MPPED2: variants seen among roughly 807,000 people sequenced by gnomAD.
The protein encoded by MPPED2 is metallophosphoesterase MPPED2.
Under a neutral mutation model 33.0 loss-of-function variants are expected in MPPED2, and 5 were observed. That is an observed-to-expected ratio of 0.15 (90% CI 0.08 to 0.32). MPPED2 has a LOEUF of 0.32. MPPED2 is among the 10% of genes least tolerant of loss of function. The pLI, the probability that MPPED2 is intolerant of heterozygous loss-of-function variation, is 1.00. For missense variants in MPPED2, 275 were observed against 372.1 expected, an observed-to-expected ratio of 0.74 and a Z score of 2.15; for synonymous variants, 136 against 141.9, an observed-to-expected ratio of 0.96 and a Z score of 0.29.
chr11:30,402,825 G>A (rs2133711135), intron 6 of MPPED2, among the ~76,000 whole-genome samples: 1 of 152,280 alleles, frequency 6.6e-6, no homozygotes, highest in African/African-American at 2.4e-5. Flanking sequence ...GAAGTACAAT[G>A]CCAACTTACC....
intron 2 of MPPED2, among the ~76,000 whole-genome samples, chr11:30,544,340 A>G (rs1055149220): frequency 1.3e-5 from 2 of 152,166 alleles, no homozygotes; most frequent in Non-Finnish European, 2.9e-5. Context: ...TTTGAGAAAA[A>G]AAGCCATGTA....
At chr11:30,475,924 A>G (rs1299466302) in intron 4 of MPPED2, among the ~76,000 whole-genome samples, 5 of 151,990 alleles carry the variant, frequency 3.3e-5, no homozygotes, top group Non-Finnish European at 7.4e-5. Context: ...TAGCTTTTTA[A>G]ATTTTAGCCA....
intron 3 of MPPED2, among the ~76,000 whole-genome samples, chr11:30,526,241 C>T (rs1406018221): frequency 6.6e-6 from 1 of 151,996 alleles, no homozygotes; most frequent in Non-Finnish European, 1.5e-5. Context: ...GTTACAGCTA[C>T]CTGATAGAAC....
rs138086273 is a variant in MPPED2, at chr11:30,512,118, G to GT, written c.311-16598dup. On this transcript the variant is annotated intron_variant, in intron 3 of 6. Coordinates refer to ENST00000358117, the MANE Select transcript of MPPED2 (RefSeq NM_001584.3). The stretch of plus-strand genomic sequence containing the variant: ...TCACTGAGGAGACACCAAATAGGCA[G>GT]TAGTAACGGTGTCCTATGAGAACTC... Among the ~76,000 whole-genome samples the GT allele has an allele frequency of 2.8e-3, 425 of 152,310 alleles. 2 individuals carry two copies. Among genetic ancestry groups the GT allele is most frequent in the African/African-American group, 0.01 (416 of 41,562 alleles).
chr11:30,494,737 C>CAAAAAAAAAAAAAAAAAAAAAAAAA (rs767500886), intron 4 of MPPED2, among the ~76,000 whole-genome samples: 1 of 47,594 alleles, frequency 2.1e-5, no homozygotes, highest in Non-Finnish European at 4.0e-5. Flanking sequence ...TACTCCACCT[C>CAAAAAAAAAAAAAAAAAAAAAAAAA]AAAAAAAAAA....
rs569280198 is a variant in MPPED2 at position 30,391,964 on chromosome 11, C to G, written c.767-3008G>C. 4.6e-5 allele frequency among the ~76,000 whole-genome samples: 7 copies of G among 152,296 alleles called. No individual in the cohort carries two copies. In the East Asian group the frequency reaches 1.2e-3, roughly 25 times the overall value. ...GTGTAATCCAGAGCAAATTACCTCT[C>G]TAAGCCTCAGTTTCCTCATCTGCAA... On this transcript the variant is annotated intron_variant, in intron 6 of 6. Transcript: ENST00000448418.
rs17310348 is a variant in MPPED2, at chr11:30,511,080, G to A, written c.311-15559C>T. Reference sequence around the variant, plus strand: ...AAAGTCAGGTCTCAACCTAATTTTCGAATCCTGTAGCATTGGATAAAAGAA... The same window carrying A: ...AAAGTCAGGTCTCAACCTAATTTTCAAATCCTGTAGCATTGGATAAAAGAA... On this transcript the variant is annotated intron_variant, in intron 3 of 6. Transcript: ENST00000358117. 5.6e-3 allele frequency among the ~76,000 whole-genome samples: 854 copies of A among 152,148 alleles called. 4 individuals carry two copies. The highest frequency in any genetic ancestry group is 9.4e-3 in the Non-Finnish European group (642 of 67,998).
chr11:30,398,266 T>C (rs938164718), intron 6 of MPPED2, among the ~76,000 whole-genome samples: 7 of 152,272 alleles, frequency 4.6e-5, no homozygotes, highest in African/African-American at 1.7e-4. Context: ...ATAAGAATAA[T>C]GAATAATGAA....
At chr11:30,450,489 C>T (rs1950009645) in intron 4 of MPPED2, among the ~76,000 whole-genome samples, 1 of 152,196 alleles carries the variant, frequency 6.6e-6, no homozygotes, top group Non-Finnish European at 1.5e-5. Context: ...AGATGAAGAT[C>T]TCAACTTGGA....
At chr11:30,463,736 A>T (rs1950596383) in intron 4 of MPPED2, among the ~76,000 whole-genome samples, 1 of 152,210 alleles carries the variant, frequency 6.6e-6, no homozygotes, top group African/African-American at 2.4e-5. Context: ...GTTTTAAAAT[A>T]TGGAGACAAT....
At chr11:30,457,892 G>C (rs781708874) in intron 4 of MPPED2, among the ~76,000 whole-genome samples, 25 of 152,184 alleles carry the variant, frequency 1.6e-4, no homozygotes, top group South Asian at 1.2e-3. Flanking sequence ...TGACACATAT[G>C]AATCAATCCT....
chr11:30,523,656 T>C (rs1954000484), intron 3 of MPPED2, among the ~76,000 whole-genome samples: 1 of 145,654 alleles, frequency 6.9e-6, no homozygotes, highest in South Asian at 2.2e-4. Context: ...AGACGGAGTT[T>C]CGCTCTTGTT....
At chr11:30,438,783 G>A (rs1001070270) in intron 4 of MPPED2, among the ~76,000 whole-genome samples, 1 of 152,208 alleles carries the variant, frequency 6.6e-6, no homozygotes, top group African/African-American at 2.4e-5. Context: ...CTAGAGAAGA[G>A]TAGGATGCCC....
At chr11:30,525,974 T>A (rs185804572) in intron 3 of MPPED2, among the ~76,000 whole-genome samples, 3 of 152,338 alleles carry the variant, frequency 2.0e-5, no homozygotes, top group Non-Finnish European at 1.5e-5. Flanking sequence ...TATTTGAGCA[T>A]ATTCAACTAT....
chr11:30,564,583 A>C (rs1003872517), intron 2 of MPPED2, among the ~76,000 whole-genome samples: 4 of 152,168 alleles, frequency 2.6e-5, no homozygotes, highest in African/African-American at 9.7e-5. Context: ...CCAAGATTCA[A>C]ACTTTGGCAG....
intron 2 of MPPED2, among the ~76,000 whole-genome samples, chr11:30,577,990 A>G (rs1395284260): frequency 6.6e-6 from 1 of 152,222 alleles, no homozygotes; most frequent in Non-Finnish European, 1.5e-5. Context: ...ATAGGCAGAT[A>G]GATAGATACA....
intron 4 of MPPED2, among the ~76,000 whole-genome samples, chr11:30,430,588 G>T (rs1418719333): frequency 1.3e-5 from 2 of 152,176 alleles, no homozygotes; most frequent in African/African-American, 4.8e-5. Flanking sequence ...TCCCTGTCTA[G>T]AAATTACATC....
chr11:30,576,657 A>G (rs1387026187), intron 2 of MPPED2, among the ~76,000 whole-genome samples: 1 of 152,028 alleles, frequency 6.6e-6, no homozygotes, highest in African/African-American at 2.4e-5. Context: ...TCCTCCCACC[A>G]TCATTAAAAA....
chr11:30,558,396 C>A (rs1035304627), intron 2 of MPPED2, among the ~76,000 whole-genome samples: 4 of 150,206 alleles, frequency 2.7e-5, no homozygotes, highest in African/African-American at 1.0e-4. Context: ...CTTTCTCTTT[C>A]TTTTGCTTCC....
Sources: allele counts gnomAD v4.1 joint callset (sites outside exome capture counted in the v4.1 genomes callset), GRCh38; gene constraint gnomAD v4.1.1; transcripts MANE v1.5; gene names NCBI Gene and HGNC (gene_info 2026-07-23, HGNC 2026-07-21).